LEFTY1: variants seen among roughly 807,000 people sequenced by gnomAD.
LEFTY1 encodes left-right determination factor 1, also known as left-right determination factor B.
In LEFTY1, 18 loss-of-function variants were observed where a neutral mutation model predicts 22.6. The ratio of observed to expected loss-of-function variants is 0.80; its 90% CI spans 0.55 to 1.18. The LOEUF (loss-of-function observed/expected upper bound fraction) is 1.18. Among genes scored for constraint, LEFTY1 ranks in the 50% most tolerant of loss-of-function variants. LEFTY1 has a pLI of 0.00. For synonymous variants in LEFTY1, 201 were observed against 231.5 expected, an observed-to-expected ratio of 0.87 and a Z score of 1.20; for missense variants, 414 against 495.4, an observed-to-expected ratio of 0.84 and a Z score of 1.56.
chr1:225,887,201 T>C (rs1240178825), intron 3 of LEFTY1, 111 bp from the exon 4 acceptor site: 2 of 1,480,128 alleles, frequency 1.4e-6, no homozygotes, highest in Non-Finnish European at 1.8e-6. Context: ...GCTGGATGTT[T>C]GTGATATAGG....
At position 225,888,906 on chromosome 1, in the gene LEFTY1, G is replaced by A. The variant is rs1671342201; in HGVS notation, c.161C>T (p.Pro54Leu). The change falls in exon 1 of 4, where the codon CCC (proline) becomes CTC (leucine). Residue 54 changes from proline (P) to leucine (L), a missense_variant. Physicochemically the swap from Pro to Leu is moderately conservative, Grantham distance 98 (BLOSUM62 -3). This residue lies in a region of LEFTY1 where 398 missense variants were observed against 454.7 expected (regional missense o/e 0.88). Transcript: ENST00000272134. The part of the protein sequence containing the change: ...DRADMEELVI[P>L]THVRAQYVAL... ...CACGTACTGGGCCCTCACGTGGGTG[G>A]GGATGACCAGCTCCTCCATGTCGGC... 6.2e-7 allele frequency: 1 copy of A among 1,613,168 alleles called. No homozygotes were observed. The highest frequency in any genetic ancestry group is 2.2e-5 in the East Asian group (1 of 44,866).
At position 225,886,546 on chromosome 1, in the gene LEFTY1, T is replaced by C; in HGVS notation, c.*181A>G. 1 of 1,251,736 alleles carries C rather than the reference T, an allele frequency of 8.0e-7. No homozygotes were observed. Among genetic ancestry groups the C allele is most frequent in the Non-Finnish European group, 1.1e-6 (1 of 929,456 alleles). 77.5% of individuals were successfully genotyped at this position (1,251,736 alleles called of 1,614,324 possible). A position where few individuals can be genotyped will look rare whatever the true frequency, so the allele number is the denominator to read the frequency against. ...GCAAGGGCTCTCCAGTGGCCAAAGA[T>C]TCTCATTCCTGAGAAGCAAAAATTA... On this transcript the variant is annotated 3_prime_UTR_variant, in exon 4 of 4. Coordinates refer to ENST00000272134, the MANE Select transcript of LEFTY1 (RefSeq NM_020997.4).
chr1:225,888,643 T>G (rs1324363600), intron 1 of LEFTY1, among the ~76,000 whole-genome samples, 174 bp downstream of exon 1: 1 of 152,178 alleles, frequency 6.6e-6, no homozygotes, highest in African/African-American at 2.4e-5. Flanking sequence ...CACCGCTGCA[T>G]GCTGAGGCCC....
chr1:225,887,726 G>A, intron 2 of LEFTY1, 60 bp downstream of exon 2: 1 of 1,041,970 alleles, frequency 9.6e-7, no homozygotes, highest in Non-Finnish European at 1.4e-6. Flanking sequence ...CCGCGTCCCC[G>A]CCCCCAAGCC....
rs1671303512 is a variant in LEFTY1 at position 225,887,441 on chromosome 1, T to A, written c.695A>T (p.Glu232Val). The stretch of plus-strand genomic sequence containing the variant: ...CAGGGTGTGCAGCTCCAGCTGGGGC[T>A]CCCCAAGCCCGGCTGGCGCCCCCTG... ...ASQGAPAGLG[E>V]PQLELHTLDL... Residue 232 changes from glutamate (E) to valine (V), a missense_variant, in exon 3 of 4, where the codon GAG (glutamate) becomes GTG (valine). Physicochemically the swap from Glu to Val is moderately radical, Grantham distance 121. Coordinates refer to ENST00000272134, the MANE Select transcript of LEFTY1 (RefSeq NM_020997.4). The A allele has an allele frequency of 6.2e-7, 1 of 1,613,264 alleles. No homozygotes were observed. Among genetic ancestry groups the A allele is most frequent in the African/African-American group, 1.3e-5 (1 of 75,028 alleles).
chr1:225,887,333 A>C (rs1671300752), intron 3 of LEFTY1, 66 bp downstream of exon 3: 1 of 1,601,532 alleles, frequency 6.2e-7, no homozygotes, highest in South Asian at 1.1e-5. Context: ...AAAGTTGTCC[A>C]TTTCAAAATA....
In LEFTY1 at chr1:225,888,036, G is replaced by A. The variant is rs1671323750; in HGVS notation, c.251-4C>T. The A allele has an allele frequency of 6.3e-7, 1 of 1,591,216 alleles. No homozygotes were observed. Among genetic ancestry groups the A allele is most frequent in the Non-Finnish European group, 8.5e-7 (1 of 1,178,464 alleles). The stretch of plus-strand genomic sequence containing the variant: ...GCCAGGAACCTGCCGGCCACCTCTG[G>A]GGACAAGAGCAGGGTCAGCAGGGCC... On this transcript the variant is annotated splice_polypyrimidine_tract_variant and splice_region_variant and intron_variant, in intron 1 of 3. Transcript: ENST00000272134.
At position 225,886,657 on chromosome 1, in the gene LEFTY1, G is replaced by C; in HGVS notation, c.*70C>G. The stretch of plus-strand genomic sequence containing the variant: ...TCCATCAGCAGTTCAGTCATCGCCA[G>C]CTCTCCTGGTACCCTCGAACACTTC... On this transcript the variant is annotated 3_prime_UTR_variant, in exon 4 of 4. Transcript: ENST00000272134. The C allele has an allele frequency of 1.2e-6, 2 of 1,602,594 alleles. No individual in the cohort carries two copies. Among genetic ancestry groups the C allele is most frequent in the Non-Finnish European group, 1.7e-6 (2 of 1,175,404 alleles).
At position 225,888,113 on chromosome 1, in the gene LEFTY1, C is replaced by T. The variant is rs1474304962; in HGVS notation, c.251-81G>A. ...GATGGCAGGGCCACTGAGCTGGCAG[C>T]CAGGCCAGGAGACACCGGCCCTGTT... On this transcript the variant is annotated intron_variant, in intron 1 of 3. Coordinates refer to ENST00000272134, the MANE Select transcript of LEFTY1 (RefSeq NM_020997.4). 9 of 1,560,274 alleles carry T rather than the reference C, an allele frequency of 5.8e-6. No homozygotes were observed. In the East Asian group the frequency reaches 2.1e-4, roughly 37 times the overall value.
chr1:225,886,611 C>T lies in LEFTY1; in HGVS notation c.*116G>A. The stretch of plus-strand genomic sequence containing the variant: ...TCAGAGGAAGCAAATTCAGGGCTCA[C>T]TAGAGAGCACAGAGCATTTGTCCAT... On this transcript the variant is annotated 3_prime_UTR_variant, in exon 4 of 4. Transcript: ENST00000272134. 2 of 1,540,984 alleles carry T rather than the reference C, an allele frequency of 1.3e-6. No individual in the cohort carries two copies. The highest frequency in any genetic ancestry group is 1.2e-5 in the South Asian group (1 of 81,382).
chr1:225,889,016 G>A lies in LEFTY1; in HGVS notation c.51C>T (p.Ser17=), dbSNP rs1346867072. The A allele has an allele frequency of 3.9e-6, 6 of 1,520,648 alleles. No individual in the cohort carries two copies. In the African/African-American group the frequency reaches 8.2e-5, roughly 21 times the overall value. The allele number at this position is 1,520,648 out of a possible 1,614,324, so 94.2% of individuals were successfully genotyped here. Residue 17 remains serine, a synonymous_variant, in exon 1 of 4, where the codon AGC becomes AGT. Coordinates refer to ENST00000272134, the MANE Select transcript of LEFTY1 (RefSeq NM_020997.4). ...CWALWVLPLA[S]PGAALTGEQL... ...GCTCCCCGGTCAGGGCGGCCCCGGG[G>A]CTGGCCAGGGGCAACACCCAGAGTG...
At position 225,888,847 on chromosome 1, in the gene LEFTY1, G is replaced by T; in HGVS notation, c.220C>A (p.Arg74Ser). The change falls in exon 1 of 4, where the codon CGC (arginine) becomes AGC (serine). Residue 74 changes from arginine to serine, a missense_variant. Around this residue, in one of 2 missense-constraint regions of LEFTY1, gnomAD observed 398 missense variants for 454.7 expected, o/e 0.88. Transcript: ENST00000272134. ...AAGCTCTGGCTGAACCTCTTTCCGC[G>T]GGAGCGGTCCCCGTGGCTGCGCTGC... is the stretch of plus-strand genomic sequence containing the variant. The part of the protein sequence containing the change: ...LLQRSHGDRS[R>S]GKRFSQSFRE... The T allele has an allele frequency of 6.2e-7, 1 of 1,613,292 alleles. No individual in the cohort carries two copies. Among genetic ancestry groups the T allele is most frequent in the Non-Finnish European group, 8.5e-7 (1 of 1,179,794 alleles).
chr1:225,886,435 T>G lies in LEFTY1; in HGVS notation c.*292A>C, dbSNP rs1671280965. 1 of 467,152 alleles carries G rather than the reference T, an allele frequency of 2.1e-6. No homozygotes were observed. The highest frequency in any genetic ancestry group is 3.7e-6 in the Non-Finnish European group (1 of 266,734). 28.9% of individuals were successfully genotyped at this position (467,152 alleles called of 1,614,324 possible). The stretch of plus-strand genomic sequence containing the variant: ...ACAGGACAAGTAAACAATGACACAT[T>G]GGGCTTTCTGCCCTCAGGTTACAGT... On this transcript the variant is annotated 3_prime_UTR_variant, in exon 4 of 4. Transcript: ENST00000272134.
Position 225,887,462 on chromosome 1 carries a change from C to G in LEFTY1, c.674G>C (p.Gly225Ala), listed in dbSNP as rs1387818726. The G allele has an allele frequency of 6.2e-7, 1 of 1,612,832 alleles. No individual in the cohort carries two copies. Among genetic ancestry groups the G allele is most frequent in the Admixed American group, 1.7e-5 (1 of 59,992 alleles). ...AHKLVRFASQGAPAGLGEPQL... is the reference protein window; with the variant it reads ...AHKLVRFASQAAPAGLGEPQL... The stretch of plus-strand genomic sequence containing the variant: ...GGGCTCCCCAAGCCCGGCTGGCGCC[C>G]CCTGCGAGGCAAAGCGGACCAGCTT... Residue 225 changes from glycine (G) to alanine (A), a missense_variant, in exon 3 of 4, where the codon GGG (glycine) becomes GCG (alanine). Transcript: ENST00000272134.
Position 225,887,761 on chromosome 1 carries a change from C to T in LEFTY1, c.497+25G>A, listed in dbSNP as rs750329781. 3.2e-6 allele frequency: 5 copies of T among 1,549,880 alleles called. No homozygotes were observed. The Admixed American group carries it at 7.7e-5, about 24-fold the overall frequency. On this transcript the variant is annotated intron_variant, in intron 2 of 3. Transcript: ENST00000272134. ...CGGGCCTAGCAGCGCCCTCCCCCTA[C>T]CCTGCGCGCCCCCGCGACCCCCACC...
chr1:225,887,024 C>T lies in LEFTY1; in HGVS notation c.804G>A (p.Met268Ile). The change falls in exon 4 of 4, where the codon ATG becomes ATA. Residue 268 changes from methionine (M) to isoleucine (I), a missense_variant. By Grantham distance (10) the Met-to-Ile change is conservative. Transcript: ENST00000272134. ...ACTTCATCCCCTGCAGGTCAATGTA[C>T]ATCTCCTGGCGGCAGCAGCGGGTGC... ...TEGTRCCRQE[M>I]YIDLQGMKWA... 7 of 1,601,864 alleles carry T rather than the reference C, an allele frequency of 4.4e-6. No individual in the cohort carries two copies. In the East Asian group the frequency reaches 1.6e-4, roughly 36 times the overall value.
intron 2 of LEFTY1, 67 bp from the exon 3 acceptor site, chr1:225,887,705 G>A: frequency 3.2e-6 from 5 of 1,574,366 alleles, no homozygotes; most frequent in Non-Finnish European, 4.3e-6. Flanking sequence ...CGAGGACCCC[G>A]CACCGCCCCC....
Position 225,887,785 on chromosome 1 carries a change from C to T in LEFTY1, c.497+1G>A, listed in dbSNP as rs770377029. The T allele has an allele frequency of 6.5e-6, 10 of 1,548,048 alleles. No homozygotes were observed. The highest frequency in any genetic ancestry group is 8.7e-6 in the Non-Finnish European group (10 of 1,151,524). On this transcript the variant is annotated splice_donor_variant, in intron 2 of 3. Transcript: ENST00000272134. LOFTEE classifies it high-confidence loss of function. ...ACCCTGCGCGCCCCCGCGACCCCCA[C>T]CTGGAGTCGATGAGGGAGGTGCGGT...
rs766372196 is a variant in LEFTY1, at chr1:225,887,980, G to A, written c.303C>T (p.Phe101=). ...ALEASTHLLV[F]GMEQRLPPNS... ...TGGGCGGCAGCCGCTGCTCCATGCC[G>A]AACACCAGCAGGTGTGTGCTGGCCT... The change falls in exon 2 of 4, where the codon TTC becomes TTT. Residue 101 remains phenylalanine (F), a synonymous_variant. Coordinates refer to ENST00000272134, the MANE Select transcript of LEFTY1 (RefSeq NM_020997.4). The A allele has an allele frequency of 6.3e-7, 1 of 1,589,410 alleles. No individual in the cohort carries two copies. Among genetic ancestry groups the A allele is most frequent in the Non-Finnish European group, 8.5e-7 (1 of 1,177,872 alleles).
Sources: allele counts gnomAD v4.1 joint callset (sites outside exome capture counted in the v4.1 genomes callset), GRCh38; gene constraint gnomAD v4.1.1; regional missense constraint gnomAD v4.1.1; transcripts MANE v1.5; gene names NCBI Gene and HGNC (gene_info 2026-07-23, HGNC 2026-07-21).